The following MINK1 variants were observed in gnomAD, a reference collection of about 807,000 sequenced individuals.
MINK1 encodes misshapen-like kinase 1.
Under a neutral mutation model 178.4 loss-of-function variants are expected in MINK1, and 46 were observed. The ratio of observed to expected loss-of-function variants is 0.26; its 90% confidence interval spans 0.20 to 0.33. The LOEUF is 0.33. MINK1 is among the 10% of genes least tolerant of loss of function. MINK1 has a pLI of 1.00. For synonymous variants in MINK1, 797 were observed against 709.7 expected (o/e 1.12, Z -1.96); for missense variants, 1,366 against 1,814.9 (o/e 0.75, Z 4.49).
intron 1 of MINK1, among the ~76,000 whole-genome samples, chr17:4,852,619 C>G (rs1912166620): frequency 6.7e-6 from 1 of 149,468 alleles, no homozygotes; most frequent in South Asian, 2.2e-4. Context: ...CCAGCAAGAA[C>G]CAAAAGGCAC....
intron 1 of MINK1, among the ~76,000 whole-genome samples, chr17:4,840,537 ATG>A (rs1242894085): frequency 6.6e-6 from 1 of 152,116 alleles, no homozygotes; most frequent in East Asian, 1.9e-4. Context: ...AATGGGGTAT[ATG>A]AGAGAGGAGG....
Position 4,891,138 on chromosome 17 carries a change from C to T in MINK1, c.1740+14C>T, listed in dbSNP as rs933547965. On this transcript the variant is annotated intron_variant, in intron 15 of 31. Transcript: ENST00000355280. ...GGACCGCACAAGGTGAGTCTCTCCC[C>T]ACCCCTGTCTTAATGAAGACACAGG... The T allele has an allele frequency of 6.0e-6, 9 of 1,500,210 alleles. No individual in the cohort carries two copies. The highest frequency in any genetic ancestry group is 1.3e-5 in the South Asian group (1 of 76,068). 92.9% of individuals were successfully genotyped at this position (1,500,210 alleles called of 1,614,324 possible).
rs1377263396 is a variant in MINK1 at position 4,885,101 on chromosome 17, T to C, written c.508+99T>C. 2 of 1,110,394 alleles carry C rather than the reference T, an allele frequency of 1.8e-6. No individual in the cohort carries two copies. Among genetic ancestry groups the C allele is most frequent in the Non-Finnish European group, 2.7e-6 (2 of 752,678 alleles). 68.8% of individuals were successfully genotyped at this position (1,110,394 alleles called of 1,614,324 possible). ...TCTGGTGGCTCAGGCCCAACTCCCT[T>C]CCTACTGGGGAGGCTCACTCCCTCC... On this transcript the variant is annotated intron_variant, in intron 6 of 31. Transcript: ENST00000355280. This position sits in a 1 kb window ranked among gnomAD's most constrained non-coding sequence, Gnocchi z 5.0.
intron 1 of MINK1, among the ~76,000 whole-genome samples, chr17:4,841,549 T>C (rs1247986530): frequency 6.8e-6 from 1 of 147,232 alleles, no homozygotes; most frequent in Non-Finnish European, 1.5e-5. Context: ...CAGCCTTTAC[T>C]GATCACATCA....
rs7212236 is a variant in MINK1 at position 4,887,658 on chromosome 17, A to G, written c.1098A>G (p.Ser366=). The change falls in exon 12 of 32, where the codon TCA becomes TCG. Residue 366 remains serine, a synonymous_variant. Coordinates refer to ENST00000355280, the MANE Select transcript of MINK1 (RefSeq NM_153827.5). The surrounding 1 kb of genome is among the most constrained non-coding windows in gnomAD (Gnocchi z 7.6). The part of the protein sequence containing the change: ...LRLQQENKSN[S]EALKQQQQLQ... ...TCCAGCAGGAAAATAAGAGCAACTCAGAGGCTTTAAAACAGCAGCAGCAGC... is the reference window on the plus strand; with the variant it reads ...TCCAGCAGGAAAATAAGAGCAACTCGGAGGCTTTAAAACAGCAGCAGCAGC... 7.0e-3 allele frequency: 10,995 copies of G among 1,568,212 alleles called. 643 individuals carry two copies. In the African/African-American group the frequency reaches 0.13, roughly 18 times the overall value.
In MINK1 at chr17:4,891,660, G is replaced by A. The variant is rs902993003; in HGVS notation, c.1945G>A (p.Gly649Ser). The change falls in exon 16 of 32, where the codon GGC becomes AGC. Residue 649 changes from glycine to serine, a missense_variant. By Grantham distance (56) the Gly-to-Ser change is moderately conservative (BLOSUM62 0). Around this residue, in one of 14 missense-constraint regions of MINK1, gnomAD observed 709 missense variants for 692.3 expected, o/e 1.02. Transcript: ENST00000355280. ...QNSDPTSEGP[G>S]PSPNPPAWVR... ...TTCAGACCCCACCTCTGAAGGACCTGGCCCCAGCCCGAATCCCCCAGCCTG... is the reference window on the plus strand; with the variant it reads ...TTCAGACCCCACCTCTGAAGGACCTAGCCCCAGCCCGAATCCCCCAGCCTG... 1 of 1,600,744 alleles carries A rather than the reference G, an allele frequency of 6.2e-7. No homozygotes were observed. The highest frequency in any genetic ancestry group is 8.5e-7 in the Non-Finnish European group (1 of 1,174,462).
chr17:4,833,687 CA>C lies in MINK1; in HGVS notation c.57+48del. ...CTCGCCCTGGTTCCTGTCCCCGCCGCAGGGGAGGGAGCGGGGTGGCTGCACG... is the reference window on the plus strand; with the variant it reads ...CTCGCCCTGGTTCCTGTCCCCGCCGCGGGGAGGGAGCGGGGTGGCTGCACG... On this transcript the variant is annotated intron_variant, in intron 1 of 31. Coordinates refer to ENST00000355280, the MANE Select transcript of MINK1 (RefSeq NM_153827.5). The surrounding 1 kb of genome is among the most constrained non-coding windows in gnomAD (Gnocchi z 4.8). 2 of 1,425,726 alleles carry C rather than the reference CA, an allele frequency of 1.4e-6. No homozygotes were observed. Among genetic ancestry groups the C allele is most frequent in the Non-Finnish European group, 1.8e-6 (2 of 1,081,146 alleles). The allele number at this position is 1,425,726 out of a possible 1,614,324, so 88.3% of individuals were successfully genotyped here.
At position 4,895,884 on chromosome 17, in the gene MINK1, A is replaced by G; in HGVS notation, c.3364+52A>G. ...GCGCATACTTGTTCATGAAGAGAGA[A>G]ATGGATCTGGGAGCCAGGGACTTGG... On this transcript the variant is annotated intron_variant, in intron 27 of 31. Transcript: ENST00000355280. This position sits in a 1 kb window ranked among gnomAD's most constrained non-coding sequence, Gnocchi z 4.3. 1.3e-6 allele frequency: 2 copies of G among 1,597,282 alleles called. No individual in the cohort carries two copies. The highest frequency in any genetic ancestry group is 1.7e-6 in the Non-Finnish European group (2 of 1,170,188).
intron 20 of MINK1, 137 bp from the exon 21 acceptor site, chr17:4,893,297 A>C (rs778454224): frequency 6.2e-7 from 1 of 1,613,850 alleles, no homozygotes; most frequent in Non-Finnish European, 8.5e-7. Context: ...GCTATAAGCG[A>C]GCAATTGGTG....
rs199654555 is a variant in MINK1 at position 4,891,577 on chromosome 17, C to G, written c.1862C>G (p.Pro621Arg). The change falls in exon 16 of 32, where the codon CCT (proline) becomes CGT (arginine). Residue 621 changes from proline (P) to arginine (R), a missense_variant. Pro to Arg is a moderately radical substitution (Grantham distance 103). Around this residue, in one of 14 missense-constraint regions of MINK1, gnomAD observed 709 missense variants for 692.3 expected, o/e 1.02. Transcript: ENST00000355280. Reference sequence around the variant, plus strand: ...TTCCCAGCCTCCCATGACCCCGACCCTGCCATCCCCGCACCCACTGCCACG... The same window carrying G: ...TTCCCAGCCTCCCATGACCCCGACCGTGCCATCCCCGCACCCACTGCCACG... Reference protein sequence around the residue: ...AAFPASHDPDPAIPAPTATPS... With the variant: ...AAFPASHDPDRAIPAPTATPS... 7 of 1,606,286 alleles carry G rather than the reference C, an allele frequency of 4.4e-6. No homozygotes were observed. In the Admixed American group the frequency reaches 1.2e-4, roughly 27 times the overall value.
intron 2 of MINK1, among the ~76,000 whole-genome samples, chr17:4,880,301 T>C (rs890220437): frequency 2.3e-5 from 3 of 131,678 alleles, no homozygotes; most frequent in Admixed American, 7.4e-5. Flanking sequence ...TTTTCTTTTC[T>C]TTTTTTTTTT....
chr17:4,854,675 C>T, intron 1 of MINK1: 1 of 445,396 alleles, frequency 2.2e-6, no homozygotes, highest in Non-Finnish European at 4.5e-6. Flanking sequence ...GGTTTCTTCG[C>T]CTTCCTTCTA....
intron 4 of MINK1, among the ~76,000 whole-genome samples, chr17:4,881,982 C>G (rs1259886102): frequency 6.6e-6 from 1 of 152,266 alleles, no homozygotes; most frequent in African/African-American, 2.4e-5. Context: ...GAAGCACTTA[C>G]TAAGCACTTC....
intron 1 of MINK1, chr17:4,868,913 C>CTGAT (rs1211409361): frequency 4.4e-6 from 1 of 226,426 alleles, no homozygotes; most frequent in African/African-American, 2.4e-5. Context: ...CCACACCTGG[C>CTGAT]TAATTATTTA....
chr17:4,896,727 C>T lies in MINK1; in HGVS notation c.3829C>T (p.Arg1277Cys), dbSNP rs1393741135. 4.4e-6 allele frequency: 7 copies of T among 1,603,582 alleles called. No homozygotes were observed. Among genetic ancestry groups the T allele is most frequent in the Admixed American group, 1.7e-5 (1 of 59,046 alleles). The change falls in exon 31 of 32, where the codon CGC becomes TGC. Residue 1277 changes from arginine (R) to cysteine (C), a missense_variant. This residue lies in a region of MINK1 where 201 missense variants were observed against 240.7 expected (regional missense o/e 0.84). Coordinates refer to ENST00000355280, the MANE Select transcript of MINK1 (RefSeq NM_153827.5). The surrounding 1 kb of genome is among the most constrained non-coding windows in gnomAD (Gnocchi z 4.6). ...MGWGEKAIEI[R>C]SVETGHLDGV... The stretch of plus-strand genomic sequence containing the variant: ...CTGGGGTGAGAAAGCCATTGAGATC[C>T]GCTCTGTGGAGACGGGCCACCTCGA...
intron 1 of MINK1, among the ~76,000 whole-genome samples, chr17:4,842,150 G>C (rs574833610): frequency 1.2e-3 from 175 of 151,900 alleles, no homozygotes; most frequent in Non-Finnish European, 1.5e-3. Context: ...CATGAACCCG[G>C]GAGGCGGAGC....
At chr17:4,864,031 C>A (rs558675660) in intron 1 of MINK1, among the ~76,000 whole-genome samples, 3 of 151,880 alleles carry the variant, frequency 2.0e-5, no homozygotes, top group Middle Eastern at 3.2e-3. Context: ...TCAAATGATC[C>A]GCCTGCCTCG....
At chr17:4,851,886 A>G (rs1396609839) in intron 1 of MINK1, among the ~76,000 whole-genome samples, 1 of 151,154 alleles carries the variant, frequency 6.6e-6, no homozygotes, top group African/African-American at 2.4e-5. Context: ...TGTAATCCCA[A>G]CTACTTGGGA....
At position 4,897,612 on chromosome 17, in the gene MINK1, T is replaced by G; in HGVS notation, c.*325T>G. Reference sequence around the variant, plus strand: ...GAGAGTGCTTGGGGCTTGAACCCCTTACCCCACTGCTGCTGACTGGGCAGG... The same window carrying G: ...GAGAGTGCTTGGGGCTTGAACCCCTGACCCCACTGCTGCTGACTGGGCAGG... On this transcript the variant is annotated 3_prime_UTR_variant, in exon 32 of 32. Coordinates refer to ENST00000355280, the MANE Select transcript of MINK1 (RefSeq NM_153827.5). The G allele has an allele frequency of 7.9e-6, 2 of 254,492 alleles. No homozygotes were observed. The highest frequency in any genetic ancestry group is 5.6e-5 in the Admixed American group (1 of 17,736). 15.8% of individuals were successfully genotyped at this position (254,492 alleles called of 1,614,324 possible). A position where few individuals can be genotyped will look rare whatever the true frequency, so the allele number is the denominator to read the frequency against.
Sources: gnomAD v4.1 joint callset for allele counts (sites outside exome capture counted in the v4.1 genomes callset) on GRCh38, gnomAD v4.1.1 for gene constraint, gnomAD v4.1.1 regional missense constraint, Gnocchi (gnomAD v3.1) non-coding constraint, MANE v1.5 for transcripts, NCBI Gene and HGNC (gene_info 2026-07-23, HGNC 2026-07-21) for gene names.